MKX: variants seen among roughly 807,000 people sequenced by gnomAD.
The protein encoded by MKX is mohawk homeobox, also known as homeobox protein Mohawk.
A neutral mutation model predicts 36.0 loss-of-function variants in MKX; 13 were observed. The observed-to-expected ratio is 0.36, with a 90% confidence interval of 0.24 to 0.57. The LOEUF is 0.57. Among genes scored for constraint, MKX ranks in the 20% least tolerant of loss-of-function variants. The probability of loss-of-function intolerance (pLI) is 0.79; values close to 1 mark genes in which losing one functional copy is unlikely to be tolerated. For synonymous variants in MKX, 176 were observed against 178.3 expected (o/e 0.99, Z 0.10); for missense variants, 458 against 456.4 (o/e 1.00, Z -0.03).
At position 27,742,950 on chromosome 10, in the gene MKX, C is replaced by T. The variant is rs1404293026; in HGVS notation, c.188+278G>A. Reference sequence around the variant, plus strand: ...GAGAGGGGCAAATAACCCCCAACTCCGAGGTCCAGGCAGCGGAGGGCCGAG... The same window carrying T: ...GAGAGGGGCAAATAACCCCCAACTCTGAGGTCCAGGCAGCGGAGGGCCGAG... On this transcript the variant is annotated intron_variant, in intron 2 of 6. Transcript: ENST00000419761. The surrounding 1 kb of genome is among the most constrained non-coding windows in gnomAD (Gnocchi z 4.2). Among the ~76,000 whole-genome samples, 1 of 152,254 alleles carries T rather than the reference C, an allele frequency of 6.6e-6. No homozygotes were observed. The highest frequency in any genetic ancestry group is 2.4e-5 in the African/African-American group (1 of 41,472).
At chr10:27,735,796 C>T (rs1012484015) in intron 3 of MKX, among the ~76,000 whole-genome samples, 1 of 152,068 alleles carries the variant, frequency 6.6e-6, no homozygotes, top group Admixed American at 6.6e-5. Context: ...GAAGAAAGTC[C>T]AGAATAGGTC....
chr10:27,717,910 T>C (rs560926920), intron 5 of MKX, among the ~76,000 whole-genome samples: 2 of 152,316 alleles, frequency 1.3e-5, no homozygotes, highest in East Asian at 1.9e-4. Context: ...CAAAGGACTC[T>C]AGAAATATTA....
chr10:27,675,500 C>T (rs1432794720), intron 6 of MKX, 21 bp downstream of exon 6: 1 of 1,614,116 alleles, frequency 6.2e-7, no homozygotes, highest in Non-Finnish European at 8.5e-7. Context: ...CAGGAACGGC[C>T]AATGGGAACA....
At chr10:27,701,287 G>A (rs1430095925) in intron 5 of MKX, among the ~76,000 whole-genome samples, 6 of 151,658 alleles carry the variant, frequency 4.0e-5, no homozygotes, top group African/African-American at 1.5e-4. Flanking sequence ...GAACTGAAGC[G>A]GTGCACATCA....
Position 27,743,439 on chromosome 10 carries a change from G to T in MKX, c.-24C>A. On this transcript the variant is annotated 5_prime_UTR_variant, in exon 2 of 7. Transcript: ENST00000419761. ...ATGGTGTCGGTTGGTAGGGACGCGC[G>T]GCGCGGCCGCAGAGCCTCGGGGCTG... The T allele has an allele frequency of 6.6e-7, 1 of 1,517,766 alleles. No individual in the cohort carries two copies. The highest frequency in any genetic ancestry group is 8.8e-7 in the Non-Finnish European group (1 of 1,136,878). 94.0% of individuals were successfully genotyped at this position (1,517,766 alleles called of 1,614,324 possible).
intron 5 of MKX, among the ~76,000 whole-genome samples, chr10:27,691,277 G>C (rs1183585614): frequency 6.6e-6 from 1 of 152,158 alleles, no homozygotes; most frequent in Non-Finnish European, 1.5e-5. Flanking sequence ...GTTCAGGTAG[G>C]TAATAGCTAT....
At chr10:27,689,708 C>A (rs1393434767) in intron 5 of MKX, among the ~76,000 whole-genome samples, 3 of 151,698 alleles carry the variant, frequency 2.0e-5, no homozygotes, top group African/African-American at 4.8e-5. Context: ...CTAAATAACT[C>A]ATCTCCACTT....
In MKX at chr10:27,741,469, C is replaced by T; in HGVS notation, c.224G>A (p.Arg75Gln). 1 of 1,606,040 alleles carries T rather than the reference C, an allele frequency of 6.2e-7. No individual in the cohort carries two copies. Among genetic ancestry groups the T allele is most frequent in the Non-Finnish European group, 8.5e-7 (1 of 1,177,184 alleles). ...TCGCGCCATGTCTTGCAGGGCCTGC[C>T]GCTTGTGCCTCACCTTCCCGCCATT... ...RQNGGKVRHKRQALQDMARPL... is the reference protein window; with the variant it reads ...RQNGGKVRHKQQALQDMARPL... Residue 75 changes from arginine (R) to glutamine (Q), a missense_variant, in exon 3 of 7, where the codon CGG becomes CAG. By Grantham distance (43) the Arg-to-Gln change is conservative. Transcript: ENST00000419761. The surrounding 1 kb of genome is among the most constrained non-coding windows in gnomAD (Gnocchi z 5.1).
intron 5 of MKX, among the ~76,000 whole-genome samples, chr10:27,676,380 CTTTT>C (rs1176984277): frequency 7.8e-6 from 1 of 127,786 alleles, no homozygotes. Flanking sequence ...TTTTCTTTTT[CTTTT>C]TTTTTTTTTT....
intron 5 of MKX, among the ~76,000 whole-genome samples, chr10:27,679,867 C>G (rs1262841339): frequency 6.6e-6 from 1 of 151,828 alleles, no homozygotes; most frequent in Non-Finnish European, 1.5e-5. Context: ...CAGCTCTTCT[C>G]TGGCTCAAGT....
intron 5 of MKX, among the ~76,000 whole-genome samples, chr10:27,700,638 TTAAAC>T (rs541174293): frequency 6.9e-4 from 105 of 152,316 alleles, no homozygotes; most frequent in Non-Finnish European, 1.1e-3. Flanking sequence ...ACTTTCCTCT[TTAAAC>T]TAAGAGTGTT....
At chr10:27,712,028 T>A (rs958209396) in intron 5 of MKX, among the ~76,000 whole-genome samples, 2 of 152,204 alleles carry the variant, frequency 1.3e-5, no homozygotes, top group African/African-American at 4.8e-5. Flanking sequence ...GCTTCTAGAT[T>A]GGCCAGGTGA....
At chr10:27,682,023 C>G (rs758731591) in intron 5 of MKX, among the ~76,000 whole-genome samples, 1 of 152,060 alleles carries the variant, frequency 6.6e-6, no homozygotes. Context: ...CAGCTCCATG[C>G]GTGTTATTGC....
intron 5 of MKX, among the ~76,000 whole-genome samples, chr10:27,717,056 G>C (rs779148738): frequency 3.9e-5 from 6 of 152,126 alleles, no homozygotes; most frequent in Non-Finnish European, 7.4e-5. Flanking sequence ...GAAAGTGCCA[G>C]GAGGCCACAA....
intron 5 of MKX, among the ~76,000 whole-genome samples, chr10:27,725,896 G>GAAGA (rs932202558): frequency 6.6e-6 from 1 of 152,092 alleles, no homozygotes; most frequent in Non-Finnish European, 1.5e-5. Context: ...ATACATAGGA[G>GAAGA]AAGAAAGAAA....
intron 5 of MKX, among the ~76,000 whole-genome samples, chr10:27,694,965 A>G (rs983948354): frequency 1.3e-5 from 2 of 150,284 alleles, no homozygotes; most frequent in African/African-American, 4.9e-5. Flanking sequence ...GGTGTGTGGT[A>G]GTTCTAGTTA....
At chr10:27,735,794 T>C (rs1459817067) in intron 3 of MKX, among the ~76,000 whole-genome samples, 1 of 152,070 alleles carries the variant, frequency 6.6e-6, no homozygotes, top group East Asian at 1.9e-4. Context: ...TTGAAGAAAG[T>C]CCAGAATAGG....
intron 3 of MKX, among the ~76,000 whole-genome samples, chr10:27,739,960 A>T (rs1834858181): frequency 6.6e-6 from 1 of 152,214 alleles, no homozygotes; most frequent in South Asian, 2.1e-4. Context: ...TTGCTAAAAG[A>T]TTCATAGTTT....
Position 27,672,972 on chromosome 10 carries a change from A to G in MKX, c.*2257T>C, listed in dbSNP as rs1836077161. The G allele has an allele frequency of 6.6e-6, 1 of 152,220 alleles. No homozygotes were observed. Among genetic ancestry groups the G allele is most frequent in the Non-Finnish European group, 1.5e-5 (1 of 68,044 alleles). 9.4% of individuals were successfully genotyped at this position (152,220 alleles called of 1,614,324 possible). On this transcript the variant is annotated 3_prime_UTR_variant, in exon 7 of 7. Coordinates refer to ENST00000419761, the MANE Select transcript of MKX (RefSeq NM_173576.3). The stretch of plus-strand genomic sequence containing the variant: ...TTACATATGGCAAAACAAAGAATAG[A>G]GGTAATTCTATTTCTCTACAACATA...
Sources: gnomAD v4.1 joint callset for allele counts (sites outside exome capture counted in the v4.1 genomes callset) on GRCh38, gnomAD v4.1.1 for gene constraint, Gnocchi (gnomAD v3.1) non-coding constraint, MANE v1.5 for transcripts, NCBI Gene and HGNC (gene_info 2026-07-23, HGNC 2026-07-21) for gene names.